OPCML: variants seen among roughly 807,000 people sequenced by gnomAD.
OPCML encodes opioid binding protein/cell adhesion molecule like.
OPCML carries 13 observed loss-of-function variants against 37.8 expected under a neutral mutation model. The ratio of observed to expected loss-of-function variants is 0.34; its 90% CI spans 0.22 to 0.55. The LOEUF (loss-of-function observed/expected upper bound fraction) is 0.55, where lower values mean the gene tolerates loss of function less well. OPCML is among the 20% of genes least tolerant of loss of function. The pLI, the probability that OPCML is intolerant of heterozygous loss-of-function variation, is 0.91. For synonymous variants in OPCML, 176 were observed against 168.8 expected, an observed-to-expected ratio of 1.04 and a Z score of -0.33; for missense variants, 341 against 435.6, an observed-to-expected ratio of 0.78 and a Z score of 1.93.
chr11:132,419,854 C>T lies in OPCML; in HGVS notation c.*339G>A, dbSNP rs145703455. On this transcript the variant is annotated 3_prime_UTR_variant, in exon 8 of 8. Transcript: ENST00000524381. ...TCAATTTTTGCCCAAATGAAACTTA[C>T]GTTTTGTTGTGTGTGGCAGAGGATG... 78 of 235,564 alleles carry T rather than the reference C, an allele frequency of 3.3e-4. No individual in the cohort carries two copies. Among genetic ancestry groups the T allele is most frequent in the African/African-American group, 1.5e-3 (65 of 43,984 alleles). 14.6% of individuals were successfully genotyped at this position (235,564 alleles called of 1,614,324 possible). A position where few individuals can be genotyped will look rare whatever the true frequency, so the allele number is the denominator to read the frequency against.
At chr11:132,421,970 G>T (rs1386174750) in intron 7 of OPCML, among the ~76,000 whole-genome samples, 1 of 152,032 alleles carries the variant, frequency 6.6e-6, no homozygotes, top group African/African-American at 2.4e-5. Context: ...ATAAAAATAT[G>T]TACATAAAGC....
chr11:132,837,725 G>A (rs562649668), intron 2 of OPCML, among the ~76,000 whole-genome samples: 1 of 152,208 alleles, frequency 6.6e-6, no homozygotes, highest in Non-Finnish European at 1.5e-5. Flanking sequence ...TGACTCCAGT[G>A]CTAAGACTGG....
intron 1 of OPCML, among the ~76,000 whole-genome samples, chr11:132,971,885 C>T (rs1946350511): frequency 6.6e-6 from 1 of 152,196 alleles, no homozygotes; most frequent in Non-Finnish European, 1.5e-5. Context: ...TAGCCTGACA[C>T]CTTGTATGTA....
intron 3 of OPCML, among the ~76,000 whole-genome samples, chr11:132,536,808 G>C (rs1465141170): frequency 6.6e-6 from 1 of 152,080 alleles, no homozygotes; most frequent in Admixed American, 6.6e-5. Flanking sequence ...ATAATATTTT[G>C]CAAAAAGCAC....
chr11:132,907,983 G>T (rs552510935), intron 2 of OPCML, among the ~76,000 whole-genome samples: 3 of 152,250 alleles, frequency 2.0e-5, no homozygotes, highest in African/African-American at 7.2e-5. Flanking sequence ...TTGACTAAAT[G>T]AGTTCCAAAA....
chr11:133,398,135 GA>G (rs1387059136), intron 1 of OPCML, among the ~76,000 whole-genome samples: 8 of 152,128 alleles, frequency 5.3e-5, no homozygotes, highest in Admixed American at 2.6e-4. Flanking sequence ...CTGGGGGATC[GA>G]ACCTTGCAAA....
chr11:133,182,653 T>A (rs1057266671), intron 1 of OPCML, among the ~76,000 whole-genome samples: 3 of 152,104 alleles, frequency 2.0e-5, no homozygotes, highest in Non-Finnish European at 2.9e-5. Context: ...ATGTCACCTG[T>A]TGGAAACTGA....
At chr11:132,840,625 G>T (rs1941245498) in intron 2 of OPCML, among the ~76,000 whole-genome samples, 1 of 152,096 alleles carries the variant, frequency 6.6e-6, no homozygotes, top group South Asian at 2.1e-4. Flanking sequence ...CCACAGAAAG[G>T]GTGTCATAAA....
At chr11:133,381,720 A>C (rs141762152) in intron 1 of OPCML, among the ~76,000 whole-genome samples, 2,973 of 152,334 alleles carry the variant, frequency 0.02, 54 homozygotes, top group Non-Finnish European at 0.027. Flanking sequence ...GCAATGTCCT[A>C]CCTGCCAAAG....
chr11:133,402,709 GT>G (rs1282574686), intron 1 of OPCML, among the ~76,000 whole-genome samples: 6 of 152,296 alleles, frequency 3.9e-5, no homozygotes, highest in Admixed American at 2.6e-4. Flanking sequence ...GGAAGAGGTT[GT>G]CCCCACACAG....
chr11:133,096,346 T>TA (rs983950438), intron 1 of OPCML, among the ~76,000 whole-genome samples: 6 of 151,804 alleles, frequency 4.0e-5, no homozygotes, highest in East Asian at 1.9e-4. Context: ...GGGCAACCAC[T>TA]AAAAAAATGG....
chr11:132,550,600 C>G (rs1434636013), intron 3 of OPCML, among the ~76,000 whole-genome samples: 1 of 152,206 alleles, frequency 6.6e-6, no homozygotes, highest in Non-Finnish European at 1.5e-5. Flanking sequence ...TACCAAGTCT[C>G]AGGCATTTCT....
Position 133,064,730 on chromosome 11 carries a change from C to T in OPCML, c.62-121720G>A, listed in dbSNP as rs557289759. The T allele has an allele frequency of 3.9e-5, 6 of 152,222 alleles. No individual in the cohort carries two copies. In the South Asian group the frequency reaches 1.2e-3, roughly 32 times the overall value. 9.4% of individuals were successfully genotyped at this position (152,222 alleles called of 1,614,324 possible). On this transcript the variant is annotated intron_variant, in intron 1 of 7. Coordinates refer to ENST00000524381, the MANE Select transcript of OPCML (RefSeq NM_001012393.5). ...TGGAGGGAAGGGAAGGCTGAGGTCT[C>T]CTCTGCCTCCGCAGCCACACGGCCC... is the stretch of plus-strand genomic sequence containing the variant.
chr11:133,291,348 A>G, intron 1 of OPCML, among the ~76,000 whole-genome samples: 1 of 152,146 alleles, frequency 6.6e-6, no homozygotes, highest in East Asian at 1.9e-4. Flanking sequence ...CTGTTGGCAT[A>G]GGTGCTCCCC....
At chr11:133,530,220 T>G (rs4539336) in intron 1 of OPCML, among the ~76,000 whole-genome samples, 61,363 of 152,088 alleles carry the variant, frequency 0.4, 16,006 homozygotes, top group African/African-American at 0.74. Flanking sequence ...TGCAAGCAAG[T>G]TCTGCCTGCT....
chr11:132,667,949 GTTT>G (rs1942292495), intron 2 of OPCML, among the ~76,000 whole-genome samples: 2 of 152,322 alleles, frequency 1.3e-5, no homozygotes, highest in South Asian at 4.1e-4. Context: ...TAGATGATGG[GTTT>G]ATCCCGTGTT....
chr11:132,971,275 A>T (rs1946337691), intron 1 of OPCML, among the ~76,000 whole-genome samples: 1 of 152,156 alleles, frequency 6.6e-6, no homozygotes, highest in African/African-American at 2.4e-5. Flanking sequence ...GTAAATATTG[A>T]CTAAAATTTC....
At chr11:133,247,539 T>TC (rs1491495296) in intron 1 of OPCML, among the ~76,000 whole-genome samples, 45 of 63,448 alleles carry the variant, frequency 7.1e-4, no homozygotes, top group African/African-American at 1.9e-3. Context: ...TCTTTCCTTC[T>TC]TTTTCTTTCT....
In OPCML at chr11:133,170,676, TG is replaced by T. The variant is rs1950277056; in HGVS notation, c.62-227667del. 2.6e-5 allele frequency among the ~76,000 whole-genome samples: 4 copies of T among 152,074 alleles called. No homozygotes were observed. The South Asian group carries it at 8.3e-4, about 31-fold the overall frequency. On this transcript the variant is annotated intron_variant, in intron 1 of 7. Transcript: ENST00000524381. ...TGAGACATATGTAATGTAAAGAAAA[TG>T]ATGTGTGTTTATCTGAATTTAAGTC...
Sources: allele counts gnomAD v4.1 joint callset (sites outside exome capture counted in the v4.1 genomes callset), GRCh38; gene constraint gnomAD v4.1.1; transcripts MANE v1.5; gene names NCBI Gene and HGNC (gene_info 2026-07-23, HGNC 2026-07-21).